The following PTK2 variants were observed in gnomAD, a reference collection of about 807,000 sequenced individuals.
PTK2 encodes the protein focal adhesion kinase 1.
PTK2 carries 45 observed loss-of-function variants against 150.1 expected under a neutral mutation model. That is an observed-to-expected ratio of 0.30 (90% CI 0.24 to 0.38). PTK2 has a LOEUF of 0.38. Among genes scored for constraint, PTK2 ranks in the 10% least tolerant of loss-of-function variants. The probability of loss-of-function intolerance (pLI) is 1.00; values close to 1 mark genes in which losing one functional copy is unlikely to be tolerated. For missense variants in PTK2, 919 were observed against 1,307.3 expected, an observed-to-expected ratio of 0.70 and a Z score of 4.58; for synonymous variants, 432 against 449.2, an observed-to-expected ratio of 0.96 and a Z score of 0.48.
chr8:140,764,471 T>C (rs1594592116), intron 14 of PTK2, 181 bp from the exon 17 acceptor site: 2 of 596,258 alleles, frequency 3.4e-6, no homozygotes, highest in Non-Finnish European at 5.9e-6. Flanking sequence ...AGTGACATCA[T>C]TGTCCAATAC....
Position 140,894,999 on chromosome 8 carries a change from G to GA in PTK2, c.-32-4231dup, listed in dbSNP as rs2100155597. 2.0e-5 allele frequency among the ~76,000 whole-genome samples: 3 copies of GA among 152,310 alleles called. No individual in the cohort carries two copies. The South Asian group carries it at 6.2e-4, about 32-fold the overall frequency. On this transcript the variant is annotated intron_variant, in intron 2 of 31. Coordinates refer to ENST00000522684, the Ensembl canonical transcript of PTK2. ...AGTTGCCCATACACTGAGTGAAAGA[G>GA]AAAGATTCAATAAATATCAAGGGAC...
At chr8:140,704,746 T>C (rs1008588678) in intron 24 of PTK2, among the ~76,000 whole-genome samples, 2 of 152,090 alleles carry the variant, frequency 1.3e-5, no homozygotes, top group African/African-American at 4.8e-5. Flanking sequence ...GTACTTCCCA[T>C]TGCTCTGACC....
chr8:140,670,480 A>AC (rs2094919521), intron 29 of PTK2, among the ~76,000 whole-genome samples: 2 of 47,388 alleles, frequency 4.2e-5, no homozygotes, highest in African/African-American at 6.7e-5. Flanking sequence ...AAAAAAAAAA[A>AC]AAACAACAAC....
intron 14 of PTK2, 102 bp from the exon 15 acceptor site, chr8:140,770,901 T>C (rs967019008): frequency 4.0e-5 from 15 of 374,754 alleles, no homozygotes; most frequent in Non-Finnish European, 5.4e-5. Context: ...TAAAAACAGA[T>C]ACAAAATTGC....
In PTK2 at chr8:140,764,225, T is replaced by A; in HGVS notation, c.1234+9A>T. 6.2e-7 allele frequency: 1 copy of A among 1,602,650 alleles called. No homozygotes were observed. ...GTCTGAGCAAGAACAAAATCAGAAG[T>A]TTACTTACTTGAGGGCATGGTGTAA... On this transcript the variant is annotated intron_variant, in intron 15 of 31. Coordinates refer to ENST00000522684, the Ensembl canonical transcript of PTK2.
At chr8:140,844,000 T>C (rs2100123825) in intron 7 of PTK2, among the ~76,000 whole-genome samples, 1 of 152,230 alleles carries the variant, frequency 6.6e-6, no homozygotes, top group Admixed American at 6.5e-5. Flanking sequence ...TTTCTCTGAC[T>C]TCCACTGTTT....
intron 20 of PTK2, among the ~76,000 whole-genome samples, chr8:140,741,398 T>C (rs543645966): frequency 1.5e-3 from 230 of 151,672 alleles, no homozygotes; most frequent in Admixed American, 5.6e-3. Context: ...GAGCTTGCAG[T>C]GAGCCCAGAT....
Position 140,686,710 on chromosome 8 carries a change from C to A in PTK2, c.2500-16G>T. The A allele has an allele frequency of 6.2e-7, 1 of 1,603,814 alleles. No individual in the cohort carries two copies. The highest frequency in any genetic ancestry group is 2.2e-5 in the East Asian group (1 of 44,790). The stretch of plus-strand genomic sequence containing the variant: ...CATCAGGTTTCTGAAGAAATTAAAA[C>A]AAAATCAAAACAATTTCATTTTTGA... On this transcript the variant is annotated splice_polypyrimidine_tract_variant and intron_variant, in intron 26 of 31. Transcript: ENST00000522684.
intron 27 of PTK2, among the ~76,000 whole-genome samples, chr8:140,679,658 G>A (rs9324532): frequency 0.81 from 122,984 of 152,114 alleles, 50,096 homozygotes; most frequent in African/African-American, 0.85. Flanking sequence ...TAAGACAACT[G>A]GGTTGTCATC....
chr8:140,900,540 G>A (rs11776118), intron 2 of PTK2, among the ~76,000 whole-genome samples: 10,183 of 152,006 alleles, frequency 0.067, 440 homozygotes, highest in Non-Finnish European at 0.09. Context: ...TCACCAACAT[G>A]GCGAAACCCC....
At chr8:140,668,726 C>G (rs2093871088) in intron 29 of PTK2, 1 of 232,818 alleles carries the variant, frequency 4.3e-6, no homozygotes, top group African/African-American at 2.3e-5. Flanking sequence ...CCCCTCACCC[C>G]AAAATCATTT....
At chr8:140,763,069 A>G (rs1490894215) in intron 15 of PTK2, among the ~76,000 whole-genome samples, 1 of 152,232 alleles carries the variant, frequency 6.6e-6, no homozygotes, top group Non-Finnish European at 1.5e-5. Flanking sequence ...GATGTGCGCC[A>G]CCATGCCAAA....
intron 23 of PTK2, among the ~76,000 whole-genome samples, chr8:140,709,176 T>C (rs965046279): frequency 4.6e-5 from 7 of 152,272 alleles, no homozygotes; most frequent in African/African-American, 1.2e-4. Flanking sequence ...TACTGTGCCA[T>C]GATGCTATTC....
intron 20 of PTK2, 52 bp from the exon 24 acceptor site, chr8:140,739,159 C>A: frequency 8.3e-7 from 1 of 1,202,558 alleles, no homozygotes; most frequent in Non-Finnish European, 1.2e-6. Context: ...GCTTAAGAAT[C>A]TAACAGAGCT....
intron 1 of PTK2, among the ~76,000 whole-genome samples, chr8:140,981,754 G>C (rs1259585233): frequency 6.6e-6 from 1 of 152,172 alleles, no homozygotes. Flanking sequence ...CTGTACAGCA[G>C]AGCTGAGTAC....
intron 31 of PTK2, among the ~76,000 whole-genome samples, chr8:140,664,436 A>T (rs1332131023): frequency 6.6e-6 from 1 of 152,240 alleles, no homozygotes; most frequent in African/African-American, 2.4e-5. Context: ...CTGGCCTAAA[A>T]GAAATTTTTT....
intron 30 of PTK2, 84 bp downstream of exon 34, chr8:140,668,185 G>A (rs367922689): frequency 8.6e-6 from 13 of 1,510,796 alleles, no homozygotes; most frequent in Middle Eastern, 1.7e-4. Flanking sequence ...GGGGCGGGGG[G>A]ACCTAGAGAC....
At chr8:140,829,290 T>C (rs2100113858) in intron 8 of PTK2, among the ~76,000 whole-genome samples, 1 of 30,086 alleles carries the variant, frequency 3.3e-5, no homozygotes, top group Non-Finnish European at 5.0e-5. Context: ...AGGGATACTG[T>C]TACTTTCTGG....
At chr8:140,978,272 A>G (rs1298000490) in intron 1 of PTK2, among the ~76,000 whole-genome samples, 13 of 146,472 alleles carry the variant, frequency 8.9e-5, no homozygotes, top group South Asian at 6.6e-4. Context: ...ATCTAATTAA[A>G]TTAAAGAGCT....
Sources: allele counts gnomAD v4.1 joint callset (sites outside exome capture counted in the v4.1 genomes callset), GRCh38; gene constraint gnomAD v4.1.1; transcripts MANE v1.5; gene names NCBI Gene and HGNC (gene_info 2026-07-23, HGNC 2026-07-21).